The following KIF23 variants were observed in gnomAD, a reference collection of about 807,000 sequenced individuals.
KIF23 encodes the protein kinesin-like protein KIF23.
In KIF23, 30 loss-of-function variants were observed where a neutral mutation model predicts 137.5. The observed-to-expected ratio is 0.22, with a 90% CI of 0.16 to 0.30. The LOEUF (loss-of-function observed/expected upper bound fraction) is 0.30. Ranked by LOEUF, KIF23 falls within the 10% of genes least tolerant of loss-of-function variation. The probability of loss-of-function intolerance (pLI) is 1.00; values close to 1 mark genes in which losing one functional copy is unlikely to be tolerated. For missense variants in KIF23, 920 were observed against 1,194.3 expected (o/e 0.77, Z 3.38); for synonymous variants, 367 against 391.1 (o/e 0.94, Z 0.73).
intron 3 of KIF23, 28 bp downstream of exon 3, chr15:69,417,539 T>A (rs746567386): frequency 2.1e-5 from 33 of 1,600,370 alleles, no homozygotes; most frequent in Non-Finnish European, 2.6e-5. Context: ...CAAGTTGTTT[T>A]TACTCAATAT....
intron 9 of KIF23, 27 bp downstream of exon 9, chr15:69,426,209 T>C: frequency 6.3e-7 from 1 of 1,591,266 alleles, no homozygotes; most frequent in Non-Finnish European, 8.6e-7. Context: ...ACTAGAAAAA[T>C]ACAGAATGAT....
chr15:69,425,166 C>A, intron 7 of KIF23, 116 bp from the exon 8 acceptor site: 2 of 732,834 alleles, frequency 2.7e-6, no homozygotes, highest in South Asian at 1.9e-5. Flanking sequence ...AAAACTATTA[C>A]AAGTGGAGGG....
At chr15:69,416,840 A>G (rs1018517886) in intron 2 of KIF23, among the ~76,000 whole-genome samples, 1 of 152,304 alleles carries the variant, frequency 6.6e-6, no homozygotes, top group African/African-American at 2.4e-5. Flanking sequence ...CTGTAATCCC[A>G]GCTACTCGGG....
intron 11 of KIF23, among the ~76,000 whole-genome samples, chr15:69,430,162 AAT>A (rs1347236870): frequency 6.6e-6 from 1 of 152,144 alleles, no homozygotes; most frequent in Non-Finnish European, 1.5e-5. Context: ...GAAGGCTTTA[AAT>A]ATATATATAG....
chr15:69,429,694 C>T (rs769612233), intron 11 of KIF23, among the ~76,000 whole-genome samples: 16 of 152,076 alleles, frequency 1.1e-4, no homozygotes, highest in Non-Finnish European at 2.4e-4. Flanking sequence ...TAATCTATTA[C>T]AATACACTGA....
At chr15:69,424,443 C>T (rs2057138545) in intron 7 of KIF23, among the ~76,000 whole-genome samples, 1 of 152,048 alleles carries the variant, frequency 6.6e-6, no homozygotes, top group Non-Finnish European at 1.5e-5. Context: ...CTATATTTAC[C>T]CTTGGAATGT....
chr15:69,434,808 T>A (rs2057434903), intron 11 of KIF23: 1 of 1,007,170 alleles, frequency 9.9e-7, no homozygotes, highest in Non-Finnish European at 1.5e-6. Flanking sequence ...CTTCTTGCAC[T>A]CATCCTGCAC....
Position 69,423,157 on chromosome 15 carries a change from AGAC to A in KIF23, c.566_568del (p.Arg189del). ...TATACAATTGAACTTTTCTTTTTTT[AGAC>A]GACAAGTAGATCCAGAGTTTGCAGA... On this transcript the variant is annotated splice_acceptor_variant and coding_sequence_variant, in exon 7 of 24. Coordinates refer to ENST00000679126, the MANE Select transcript of KIF23 (RefSeq NM_001367805.3). LOFTEE classifies it high-confidence loss of function. 6.5e-7 allele frequency: 1 copy of A among 1,543,742 alleles called. No homozygotes were observed.
chr15:69,442,538 G>A (rs1422522527), intron 19 of KIF23, among the ~76,000 whole-genome samples: 2 of 152,168 alleles, frequency 1.3e-5, no homozygotes, highest in Non-Finnish European at 2.9e-5. Flanking sequence ...TGATTATTAA[G>A]GGATGGTGAT....
intron 15 of KIF23, among the ~76,000 whole-genome samples, chr15:69,437,758 T>G (rs1001352255): frequency 2.0e-5 from 3 of 151,960 alleles, no homozygotes; most frequent in African/African-American, 7.2e-5. Flanking sequence ...CATGCCTGGC[T>G]CTACTATTTT....
At chr15:69,429,885 G>T (rs1243761595) in intron 11 of KIF23, among the ~76,000 whole-genome samples, 1 of 152,004 alleles carries the variant, frequency 6.6e-6, no homozygotes, top group African/African-American at 2.4e-5. Flanking sequence ...AGCTGGGCGT[G>T]GTGCGTCTAT....
In KIF23 at chr15:69,421,678, C is replaced by T. The variant is rs1380110038; in HGVS notation, c.242C>T (p.Thr81Ile). 1.2e-6 allele frequency: 2 copies of T among 1,613,552 alleles called. No individual in the cohort carries two copies. Among genetic ancestry groups the T allele is most frequent in the South Asian group, 1.1e-5 (1 of 91,050 alleles). Residue 81 changes from threonine to isoleucine, a missense_variant, in exon 4 of 24, where the codon ACT becomes ATT. By Grantham distance (89) the Thr-to-Ile change is moderately conservative. This residue lies in a region of KIF23 where 124 missense variants were observed against 122.0 expected (regional missense o/e 1.02). Transcript: ENST00000679126. ...TQYSFKQVFG[T>I]HTTQKELFDV... ...TATTCATTTAAACAAGTATTTGGCA[C>T]TCACACCACCCAGAAGGAACTCTTT...
intron 11 of KIF23, among the ~76,000 whole-genome samples, chr15:69,431,914 C>G (rs1304921451): frequency 1.3e-5 from 2 of 152,134 alleles, no homozygotes; most frequent in African/African-American, 4.8e-5. Flanking sequence ...CTGCCTCTAC[C>G]CTGGCCCAAA....
At chr15:69,426,573 C>G in intron 10 of KIF23, 116 bp downstream of exon 10, 1 of 1,126,996 alleles carries the variant, frequency 8.9e-7, no homozygotes, top group Non-Finnish European at 1.3e-6. Flanking sequence ...GAAAAATCAG[C>G]CAGGCATGGT....
chr15:69,444,526 G>T lies in KIF23; in HGVS notation c.2422-264G>T. Reference sequence around the variant, plus strand: ...GTTTGTCCTGAACCACCCCCAAGCAGGAAAGACTTGCAGCATTACCAGAAT... The same window carrying T: ...GTTTGTCCTGAACCACCCCCAAGCATGAAAGACTTGCAGCATTACCAGAAT... On this transcript the variant is annotated intron_variant, in intron 19 of 23. Coordinates refer to ENST00000679126, the MANE Select transcript of KIF23 (RefSeq NM_001367805.3). This position sits in a 1 kb window ranked among gnomAD's most constrained non-coding sequence, Gnocchi z 4.2. The T allele has an allele frequency of 2.4e-6, 1 of 411,062 alleles. No individual in the cohort carries two copies. Among genetic ancestry groups the T allele is most frequent in the Non-Finnish European group, 4.4e-6 (1 of 228,688 alleles). 25.5% of individuals were successfully genotyped at this position (411,062 alleles called of 1,614,324 possible).
rs1380739198 is a variant in KIF23 at position 69,422,124 on chromosome 15, G to A, written c.449G>A (p.Arg150Gln). ...FNSIGSFQAKRYVFKSNDRNS... is the reference protein window; with the variant it reads ...FNSIGSFQAKQYVFKSNDRNS... ...AGTATAGGGTCATTTCAAGCTAAACGATATGTAAGTATGATTCTTTTGTGT... is the reference window on the plus strand; with the variant it reads ...AGTATAGGGTCATTTCAAGCTAAACAATATGTAAGTATGATTCTTTTGTGT... The change falls in exon 5 of 24, where the codon CGA becomes CAA. Residue 150 changes from arginine to glutamine, a missense_variant. Coordinates refer to ENST00000679126, the MANE Select transcript of KIF23 (RefSeq NM_001367805.3). 4 of 1,613,672 alleles carry A rather than the reference G, an allele frequency of 2.5e-6. No homozygotes were observed. Among genetic ancestry groups the A allele is most frequent in the Non-Finnish European group, 3.4e-6 (4 of 1,179,866 alleles).
Position 69,436,129 on chromosome 15 carries a change from G to C in KIF23, c.1315-9G>C. The C allele has an allele frequency of 3.7e-6, 6 of 1,606,610 alleles. No homozygotes were observed. Among genetic ancestry groups the C allele is most frequent in the Non-Finnish European group, 5.1e-6 (6 of 1,178,046 alleles). Reference sequence around the variant, plus strand: ...TTTTTTTTTAAACTCCATTTGTTTTGTGTTTTAGCAAGTCATGAGATTTGC... The same window carrying C: ...TTTTTTTTTAAACTCCATTTGTTTTCTGTTTTAGCAAGTCATGAGATTTGC... On this transcript the variant is annotated splice_polypyrimidine_tract_variant and intron_variant, in intron 13 of 23. Transcript: ENST00000679126.
chr15:69,423,944 A>G (rs956137851), intron 7 of KIF23, among the ~76,000 whole-genome samples: 2 of 152,148 alleles, frequency 1.3e-5, no homozygotes, highest in African/African-American at 4.8e-5. Context: ...TATGTTTAAT[A>G]TTAGTATCTT....
chr15:69,446,960 T>G lies in KIF23; in HGVS notation c.2909+19T>G. 6.2e-7 allele frequency: 1 copy of G among 1,610,668 alleles called. No individual in the cohort carries two copies. The highest frequency in any genetic ancestry group is 8.5e-7 in the Non-Finnish European group (1 of 1,176,782). ...AACCCAAGTGAGTACTGACTGTAAT[T>G]GGGGTCTTGCTGTGTGCTTTTTTCC... On this transcript the variant is annotated intron_variant, in intron 23 of 23. Coordinates refer to ENST00000679126, the MANE Select transcript of KIF23 (RefSeq NM_001367805.3).
Sources: allele counts gnomAD v4.1 joint callset (sites outside exome capture counted in the v4.1 genomes callset), GRCh38; gene constraint gnomAD v4.1.1; regional missense constraint gnomAD v4.1.1; non-coding constraint Gnocchi (gnomAD v3.1); transcripts MANE v1.5; gene names NCBI Gene and HGNC (gene_info 2026-07-23, HGNC 2026-07-21).